The following C11orf16 variants were observed in gnomAD, a reference collection of about 807,000 sequenced individuals.
C11orf16 encodes the protein uncharacterized protein C11orf16.
A neutral mutation model predicts 45.1 loss-of-function variants in C11orf16; 38 were observed. That is an observed-to-expected ratio of 0.84 (90% CI 0.65 to 1.10). The LOEUF is 1.10. Among genes scored for constraint, C11orf16 ranks in the 50% least tolerant of loss-of-function variants. C11orf16 has a pLI of 0.00. For missense variants in C11orf16, 583 were observed against 569.5 expected (o/e 1.02, Z -0.24); for synonymous variants, 221 against 222.0 (o/e 1.00, Z 0.04).
At position 8,920,466 on chromosome 11, in the gene C11orf16, A is replaced by G. The variant is rs1292877041; in HGVS notation, c.*23-16T>C. 3 of 670,624 alleles carry G rather than the reference A, an allele frequency of 4.5e-6. No homozygotes were observed. Among genetic ancestry groups the G allele is most frequent in the Non-Finnish European group, 8.1e-6 (3 of 371,182 alleles). 41.5% of individuals were successfully genotyped at this position (670,624 alleles called of 1,614,324 possible). On this transcript the variant is annotated splice_polypyrimidine_tract_variant and intron_variant, in intron 6 of 6. Coordinates refer to ENST00000326053, the MANE Select transcript of C11orf16 (RefSeq NM_020643.3). ...TATTCTTTACCTATAAAAGGGGGAA[A>G]AATTCCATACATTGTTATGCTGACT...
intron 3 of C11orf16, 191 bp downstream of exon 3, chr11:8,929,186 G>T (rs754326961): frequency 3.0e-5 from 17 of 566,026 alleles, no homozygotes; most frequent in Non-Finnish European, 5.0e-5. Context: ...TCCGTTTGTT[G>T]CACTTTGTTA....
chr11:8,931,465 T>G (rs2064649674), intron 2 of C11orf16, among the ~76,000 whole-genome samples: 1 of 152,148 alleles, frequency 6.6e-6, no homozygotes, highest in Non-Finnish European at 1.5e-5. Flanking sequence ...CTCGGCTCAC[T>G]GCAACCTTTC....
At chr11:8,931,094 G>A (rs1439652666) in intron 2 of C11orf16, among the ~76,000 whole-genome samples, 1 of 152,126 alleles carries the variant, frequency 6.6e-6, no homozygotes, top group Non-Finnish European at 1.5e-5. Context: ...TTAGAAAGCA[G>A]ACTGAGGATC....
Position 8,925,728 on chromosome 11 carries a change from T to G in C11orf16, c.939A>C (p.Ala313=). Residue 313 remains alanine (A), a synonymous_variant, in exon 5 of 7, where the codon GCA becomes GCC. Transcript: ENST00000326053. ...TAGGACCTTCCAGGGGCAAAAGCTG[T>G]GCTGTGGGCTCCAACTCTGGAAGTT... The part of the protein sequence containing the change: ...ARELPELEPT[A]QLLPLEGPKE... 6.2e-7 allele frequency: 1 copy of G among 1,614,244 alleles called. No homozygotes were observed. Among genetic ancestry groups the G allele is most frequent in the Non-Finnish European group, 8.5e-7 (1 of 1,180,040 alleles).
chr11:8,931,317 G>A (rs1004314700), intron 2 of C11orf16, among the ~76,000 whole-genome samples: 2 of 151,728 alleles, frequency 1.3e-5, no homozygotes, highest in East Asian at 3.9e-4. Flanking sequence ...TCTGCCTCCC[G>A]AGTTCAAGCA....
At chr11:8,921,565 G>A in intron 5 of C11orf16, 50 bp from the exon 6 acceptor site, 1 of 1,504,812 alleles carries the variant, frequency 6.6e-7, no homozygotes, top group Non-Finnish European at 9.2e-7. Flanking sequence ...CATTTTGATG[G>A]CATAAGTAGA....
chr11:8,920,972 A>T (rs1197853391), intron 6 of C11orf16, among the ~76,000 whole-genome samples: 1 of 152,144 alleles, frequency 6.6e-6, no homozygotes, highest in Non-Finnish European at 1.5e-5. Flanking sequence ...TATATAATGG[A>T]AATAAAGTTT....
In C11orf16 at chr11:8,932,249, G is replaced by T; in HGVS notation, c.60C>A (p.Ser20Arg). 1.9e-6 allele frequency: 3 copies of T among 1,611,126 alleles called. No homozygotes were observed. The highest frequency in any genetic ancestry group is 2.2e-5 in the East Asian group (1 of 44,802). The change falls in exon 2 of 7, where the codon AGC (serine) becomes AGA (arginine). Residue 20 changes from serine to arginine, a missense_variant. By Grantham distance (110) the Ser-to-Arg change is moderately radical (BLOSUM62 -1). Coordinates refer to ENST00000326053, the MANE Select transcript of C11orf16 (RefSeq NM_020643.3). ...PLLKYCSVAT[S>R]LKAPGWDGAA... Reference sequence around the variant, plus strand: ...CACCGTCCCAGCCAGGGGCCTTCAGGCTTGTGGCCACGCTGCAGTATTTGA... The same window carrying T: ...CACCGTCCCAGCCAGGGGCCTTCAGTCTTGTGGCCACGCTGCAGTATTTGA...
intron 3 of C11orf16, chr11:8,927,740 A>C (rs1040737010): frequency 9.1e-6 from 4 of 437,612 alleles, no homozygotes; most frequent in Non-Finnish European, 9.3e-6. Flanking sequence ...GTGAGAGAAC[A>C]GTGCTGCAGC....
intron 2 of C11orf16, 78 bp from the exon 3 acceptor site, chr11:8,929,611 A>C (rs2064637694): frequency 3.8e-5 from 51 of 1,335,114 alleles, no homozygotes; most frequent in Non-Finnish European, 5.2e-5. Flanking sequence ...TCGCAGGTAC[A>C]TCTGAGGTAC....
At position 8,932,128 on chromosome 11, in the gene C11orf16, G is replaced by C; in HGVS notation, c.167+14C>G. On this transcript the variant is annotated intron_variant, in intron 2 of 6. Transcript: ENST00000326053. Reference sequence around the variant, plus strand: ...AAGGGCATCCACTTCCCCCAGAGGGGCAGAGACAGGTACCTTGCAAGGGGC... The same window carrying C: ...AAGGGCATCCACTTCCCCCAGAGGGCCAGAGACAGGTACCTTGCAAGGGGC... 1 of 1,563,138 alleles carries C rather than the reference G, an allele frequency of 6.4e-7. No individual in the cohort carries two copies. The highest frequency in any genetic ancestry group is 8.7e-7 in the Non-Finnish European group (1 of 1,155,142).
chr11:8,924,732 C>T (rs1197692510), intron 5 of C11orf16, among the ~76,000 whole-genome samples: 1 of 152,134 alleles, frequency 6.6e-6, no homozygotes, highest in African/African-American at 2.4e-5. Context: ...TTCAGTGACC[C>T]CAGGACTCCC....
intron 2 of C11orf16, among the ~76,000 whole-genome samples, chr11:8,931,264 C>A (rs1046339655): frequency 6.6e-6 from 1 of 152,056 alleles, no homozygotes; most frequent in African/African-American, 2.4e-5. Context: ...CACTCTGTTC[C>A]CTAGGCTCGA....
Position 8,929,538 on chromosome 11 carries a change from A to G in C11orf16, c.168-5T>C. On this transcript the variant is annotated splice_polypyrimidine_tract_variant and splice_region_variant and intron_variant, in intron 2 of 6. Coordinates refer to ENST00000326053, the MANE Select transcript of C11orf16 (RefSeq NM_020643.3). ...CATGGGCAAGAAGAGGCATGCCTGG[A>G]AAAAAGCAAATGGAATTAGTGGATA... 1 of 1,608,396 alleles carries G rather than the reference A, an allele frequency of 6.2e-7. No homozygotes were observed. Among genetic ancestry groups the G allele is most frequent in the Non-Finnish European group, 8.5e-7 (1 of 1,177,924 alleles).
intron 6 of C11orf16, 40 bp downstream of exon 6, chr11:8,921,254 G>A: frequency 6.5e-7 from 1 of 1,532,142 alleles, no homozygotes; most frequent in Non-Finnish European, 9.0e-7. Context: ...ACCCATGTGA[G>A]GAGTCCTTAG....
Position 8,925,697 on chromosome 11 carries a change from C to G in C11orf16, c.970G>C (p.Glu324Gln), listed in dbSNP as rs765220863. The change falls in exon 5 of 7, where the codon GAG becomes CAG. Residue 324 changes from glutamate (E) to glutamine (Q), a missense_variant. Physicochemically the swap from Glu to Gln is conservative, Grantham distance 29. Coordinates refer to ENST00000326053, the MANE Select transcript of C11orf16 (RefSeq NM_020643.3). ...QLLPLEGPKE[E>Q]KVAMHAPLAV... is the part of the protein sequence containing the mutation. ...AGGGGAGCGTGCATTGCTACTTTCT[C>G]CTCTTTAGGACCTTCCAGGGGCAAA... is the stretch of plus-strand genomic sequence containing the variant. 4.3e-6 allele frequency: 7 copies of G among 1,614,256 alleles called. No homozygotes were observed. Among genetic ancestry groups the G allele is most frequent in the Non-Finnish European group, 5.9e-6 (7 of 1,180,046 alleles).
chr11:8,926,213 G>T (rs1368181112), intron 4 of C11orf16, 106 bp from the exon 5 acceptor site: 48 of 1,037,756 alleles, frequency 4.6e-5, no homozygotes, highest in African/African-American at 5.7e-5. Context: ...TTGAGACAGG[G>T]TCTGGCTCAG....
chr11:8,931,209 CT>C (rs34939195), intron 2 of C11orf16, among the ~76,000 whole-genome samples: 34,639 of 144,396 alleles, frequency 0.24, 4,260 homozygotes, highest in East Asian at 0.45. Flanking sequence ...GAGCAAGTCT[CT>C]TTTTTTTTTT....
rs1036766310 is a variant in C11orf16, at chr11:8,920,384, G to A, written c.*89C>T. ...TGTGGCCTGTCCTCTGCCTCCTTCC[G>A]TTGAAGAAGGCCTTGTCAGCCACTC... On this transcript the variant is annotated 3_prime_UTR_variant, in exon 7 of 7. Coordinates refer to ENST00000326053, the MANE Select transcript of C11orf16 (RefSeq NM_020643.3). The A allele has an allele frequency of 2.3e-5, 15 of 649,178 alleles. No homozygotes were observed. Among genetic ancestry groups the A allele is most frequent in the South Asian group, 6.8e-5 (4 of 58,470 alleles). The allele number at this position is 649,178 out of a possible 1,614,324, so 40.2% of individuals were successfully genotyped here. A position where few individuals can be genotyped will look rare whatever the true frequency, so the allele number is the denominator to read the frequency against.
Sources: gnomAD v4.1 joint callset for allele counts (sites outside exome capture counted in the v4.1 genomes callset) on GRCh38, gnomAD v4.1.1 for gene constraint, MANE v1.5 for transcripts, NCBI Gene and HGNC (gene_info 2026-07-23, HGNC 2026-07-21) for gene names.